Variants in MELK observed in about 807,000 individuals in gnomAD.
MELK encodes maternal embryonic leucine zipper kinase, also known as pEg3 kinase.
A neutral mutation model predicts 85.0 loss-of-function variants in MELK; 81 were observed. The observed-to-expected ratio is 0.95, with a 90% CI of 0.80 to 1.15. MELK has a LOEUF of 1.15. MELK is among the 50% of genes most tolerant of loss of function. The pLI is 0.00. For synonymous variants in MELK, 252 were observed against 265.0 expected, an observed-to-expected ratio of 0.95 and a Z score of 0.48; for missense variants, 754 against 777.5, an observed-to-expected ratio of 0.97 and a Z score of 0.36.
intron 8 of MELK, among the ~76,000 whole-genome samples, chr9:36,617,271 T>C (rs1700879203): frequency 6.6e-6 from 1 of 152,162 alleles, no homozygotes; most frequent in African/African-American, 2.4e-5. Flanking sequence ...TTAAGACTTA[T>C]TTTTGCTGTG....
At chr9:36,609,624 A>AT (rs924376467) in intron 8 of MELK, among the ~76,000 whole-genome samples, 31 of 151,684 alleles carry the variant, frequency 2.0e-4, no homozygotes, top group African/African-American at 6.0e-4. Context: ...AATTAAAAAA[A>AT]TTTTTTTGTA....
chr9:36,620,654 G>A (rs992352102), intron 8 of MELK, among the ~76,000 whole-genome samples: 7 of 150,422 alleles, frequency 4.7e-5, no homozygotes, highest in Non-Finnish European at 1.0e-4. Flanking sequence ...GGGTTCAAGC[G>A]ATTCTCCTGC....
Position 36,608,735 on chromosome 9 carries a change from C to T in MELK, c.666+1062C>T, listed in dbSNP as rs372607300. ...TAGCTGGGATTACAGGCATGTGCCACCACGCCCGGCTAATTTTTTGTATTT... is the reference window on the plus strand; with the variant it reads ...TAGCTGGGATTACAGGCATGTGCCATCACGCCCGGCTAATTTTTTGTATTT... On this transcript the variant is annotated intron_variant, in intron 8 of 17. Coordinates refer to ENST00000298048, the MANE Select transcript of MELK (RefSeq NM_014791.4). Among the ~76,000 whole-genome samples the T allele has an allele frequency of 4.6e-5, 7 of 152,102 alleles. No individual in the cohort carries two copies. In the East Asian group the frequency reaches 1.2e-3, roughly 25 times the overall value.
At position 36,643,039 on chromosome 9, in the gene MELK, C is replaced by T. The variant is rs1829902106; in HGVS notation, c.877C>T (p.His293Tyr). ...DDDCVTELSVHHRNNRQTMED... is the reference protein window; with the variant it reads ...DDDCVTELSVYHRNNRQTMED... ...TGATTGCGTAACAGAACTTTCTGTA[C>T]ATCACAGAAACAACAGGCAAACAAT... Residue 293 changes from histidine to tyrosine, a missense_variant, in exon 11 of 18, where the codon CAT (histidine) becomes TAT (tyrosine). Transcript: ENST00000298048. The T allele has an allele frequency of 4.3e-6, 7 of 1,612,840 alleles. No homozygotes were observed. In the East Asian group the frequency reaches 1.3e-4, roughly 31 times the overall value.
intron 3 of MELK, among the ~76,000 whole-genome samples, chr9:36,588,104 T>C (rs1423594883): frequency 1.3e-5 from 2 of 151,736 alleles, no homozygotes; most frequent in Non-Finnish European, 2.9e-5. Flanking sequence ...TTTGCTCTTG[T>C]TTCCCAGGCT....
intron 13 of MELK, among the ~76,000 whole-genome samples, chr9:36,662,243 CTT>C (rs553334327): frequency 9.8e-5 from 13 of 133,294 alleles, no homozygotes; most frequent in East Asian, 2.2e-4. Flanking sequence ...GAATCTGTAT[CTT>C]TTTTTTTTTT....
intron 9 of MELK, among the ~76,000 whole-genome samples, chr9:36,632,619 G>A (rs920831232): frequency 6.6e-6 from 1 of 152,026 alleles, no homozygotes; most frequent in East Asian, 1.9e-4. Context: ...CCAAAATAAC[G>A]TTAATCTTTG....
At chr9:36,662,750 A>G (rs1373615059) in intron 13 of MELK, among the ~76,000 whole-genome samples, 1 of 152,158 alleles carries the variant, frequency 6.6e-6, no homozygotes, top group African/African-American at 2.4e-5. Flanking sequence ...TATTGTTGCT[A>G]TTGAAAAACC....
chr9:36,596,107 T>C (rs1587369292), intron 5 of MELK, among the ~76,000 whole-genome samples: 1 of 148,268 alleles, frequency 6.7e-6, no homozygotes, highest in African/African-American at 2.5e-5. Flanking sequence ...TGAGCCAGGG[T>C]ACCTGGCCGG....
chr9:36,665,701 G>GT (rs918739112), intron 14 of MELK, 120 bp downstream of exon 14: 19 of 666,560 alleles, frequency 2.9e-5, no homozygotes, highest in Admixed American at 2.8e-4. Context: ...AAGTGAAGCT[G>GT]TTTTTTATCA....
chr9:36,628,150 TG>T, intron 8 of MELK, among the ~76,000 whole-genome samples: 2 of 152,208 alleles, frequency 1.3e-5, no homozygotes, highest in South Asian at 4.1e-4. Flanking sequence ...TCCAAAGTGC[TG>T]GGATTACAGG....
chr9:36,603,071 A>T (rs1825100380), intron 7 of MELK, among the ~76,000 whole-genome samples: 1 of 152,160 alleles, frequency 6.6e-6, no homozygotes, highest in Non-Finnish European at 1.5e-5. Context: ...CCTAGAGGTG[A>T]TGAGAATCTG....
chr9:36,662,189 A>G (rs1369824883), intron 13 of MELK, among the ~76,000 whole-genome samples: 3 of 146,618 alleles, frequency 2.0e-5, no homozygotes, highest in African/African-American at 7.5e-5. Context: ...TTCTTTTAAT[A>G]TTTACTCTAA....
intron 13 of MELK, among the ~76,000 whole-genome samples, chr9:36,659,127 C>T (rs1211488694): frequency 1.3e-5 from 2 of 152,118 alleles, no homozygotes; most frequent in East Asian, 3.9e-4. Flanking sequence ...GTGATCCGCC[C>T]GCCTCGGCCT....
intron 3 of MELK, among the ~76,000 whole-genome samples, chr9:36,584,078 T>A (rs560121667): frequency 2.0e-4 from 31 of 151,940 alleles, no homozygotes; most frequent in Non-Finnish European, 4.1e-4. Flanking sequence ...CGATCTCGGC[T>A]CACTGCAAGC....
At chr9:36,639,022 T>A (rs1829490209) in intron 10 of MELK, among the ~76,000 whole-genome samples, 1 of 152,218 alleles carries the variant, frequency 6.6e-6, no homozygotes, top group Non-Finnish European at 1.5e-5. Flanking sequence ...CTGGTGTCTG[T>A]TGAAGTAGCT....
In MELK at chr9:36,665,812, C is replaced by T. The variant is rs73645814; in HGVS notation, c.1408+231C>T. ...CTTTTTCACGTTTATAAAATTGAAT[C>T]ATAGCATCCTAGGATATCAAAGCTG... On this transcript the variant is annotated intron_variant, in intron 14 of 17. Transcript: ENST00000298048. 8.1e-3 allele frequency among the ~76,000 whole-genome samples: 1,236 copies of T among 152,268 alleles called. 13 individuals are homozygous for T. Among genetic ancestry groups the T allele is most frequent in the African/African-American group, 0.028 (1,179 of 41,558 alleles).
At position 36,581,645 on chromosome 9, in the gene MELK, T is replaced by C; in HGVS notation, c.-37T>C. On this transcript the variant is annotated splice_region_variant and 5_prime_UTR_variant, in exon 2 of 18. Transcript: ENST00000298048. Reference sequence around the variant, plus strand: ...GATTATGTACTCTCTGTCTTCTAGGTTCTTTTTCTAATTCCAAATAAACTT... The same window carrying C: ...GATTATGTACTCTCTGTCTTCTAGGCTCTTTTTCTAATTCCAAATAAACTT... The C allele has an allele frequency of 5.6e-6, 8 of 1,418,490 alleles. No individual in the cohort carries two copies. Among genetic ancestry groups the C allele is most frequent in the Non-Finnish European group, 7.9e-6 (8 of 1,006,482 alleles). 87.9% of individuals were successfully genotyped at this position (1,418,490 alleles called of 1,614,324 possible).
At chr9:36,666,374 G>T (rs1297700774) in intron 14 of MELK, among the ~76,000 whole-genome samples, 1 of 152,086 alleles carries the variant, frequency 6.6e-6, no homozygotes, top group East Asian at 1.9e-4. Flanking sequence ...GCATGGCATG[G>T]TCTGTAGTAG....
Sources: allele counts gnomAD v4.1 joint callset (sites outside exome capture counted in the v4.1 genomes callset), GRCh38; gene constraint gnomAD v4.1.1; transcripts MANE v1.5; gene names NCBI Gene and HGNC (gene_info 2026-07-23, HGNC 2026-07-21).